The following ABI3BP variants were observed in gnomAD, a reference collection of about 807,000 sequenced individuals.
ABI3BP encodes the protein ABI family member 3 binding protein.
ABI3BP carries 216 observed loss-of-function variants against 268.6 expected under a neutral mutation model. That is an observed-to-expected ratio of 0.80 (90% CI 0.72 to 0.90). The LOEUF is 0.90. Ranked by LOEUF, ABI3BP falls within the 40% of genes least tolerant of loss-of-function variation. The pLI is 0.00. For synonymous variants in ABI3BP, 730 were observed against 730.0 expected, an observed-to-expected ratio of 1.00 and a Z score of 0.00; for missense variants, 2,090 against 2,182.4, an observed-to-expected ratio of 0.96 and a Z score of 0.84.
Position 100,941,051 on chromosome 3 carries a change from G to A in ABI3BP, c.80-14570C>T, listed in dbSNP as rs920522872. On this transcript the variant is annotated intron_variant, in intron 1 of 67. Coordinates refer to ENST00000471714, the MANE Select transcript of ABI3BP (RefSeq NM_001375547.2). ...ATAATTACATTTAAAATAATGTGCAGAATAAAAGCTATGGTAAAAGTCCCA... is the reference window on the plus strand; with the variant it reads ...ATAATTACATTTAAAATAATGTGCAAAATAAAAGCTATGGTAAAAGTCCCA... 2.7e-5 allele frequency among the ~76,000 whole-genome samples: 4 copies of A among 150,872 alleles called. No homozygotes were observed. The Admixed American group carries it at 2.7e-4, about 10-fold the overall frequency.
intron 21 of ABI3BP, among the ~76,000 whole-genome samples, chr3:100,841,474 G>T (rs1183244748): frequency 6.6e-6 from 1 of 152,024 alleles, no homozygotes; most frequent in East Asian, 1.9e-4. Flanking sequence ...GGAGAATAAA[G>T]AATCTATCAA....
chr3:100,890,732 T>A (rs2044209231), intron 4 of ABI3BP, among the ~76,000 whole-genome samples: 1 of 152,194 alleles, frequency 6.6e-6, no homozygotes, highest in South Asian at 2.1e-4. Flanking sequence ...AATTACTTAA[T>A]CCTCTGTGAA....
chr3:100,911,748 C>A, intron 2 of ABI3BP: 1 of 931,486 alleles, frequency 1.1e-6, no homozygotes, highest in South Asian at 1.3e-5. Context: ...ATGTTTCAGT[C>A]GATGAGTAGC....
chr3:100,878,794 C>CCCTGT (rs2099192094), intron 6 of ABI3BP, among the ~76,000 whole-genome samples: 1 of 152,242 alleles, frequency 6.6e-6, no homozygotes, highest in Admixed American at 6.5e-5. Flanking sequence ...CCTGTGCCTG[C>CCCTGT]TCCAGCAAAA....
intron 57 of ABI3BP, among the ~76,000 whole-genome samples, chr3:100,781,942 T>G (rs1477351828): frequency 6.6e-6 from 1 of 152,188 alleles, no homozygotes; most frequent in Non-Finnish European, 1.5e-5. Context: ...GCAGTGGGAT[T>G]CAGGCCTACA....
intron 4 of ABI3BP, among the ~76,000 whole-genome samples, chr3:100,890,120 C>T (rs1168484985): frequency 6.6e-6 from 1 of 152,066 alleles, no homozygotes; most frequent in Non-Finnish European, 1.5e-5. Context: ...AAGCTTAGTC[C>T]TTCTACGAAC....
intron 4 of ABI3BP, among the ~76,000 whole-genome samples, chr3:100,887,399 A>T (rs552543210): frequency 1.3e-5 from 2 of 152,076 alleles, no homozygotes; most frequent in Non-Finnish European, 2.9e-5. Flanking sequence ...TATGTTACCA[A>T]ATATTATTCC....
rs147861926 is a variant in ABI3BP at position 100,828,006 on chromosome 3, G to A, written c.2602+387C>T. On this transcript the variant is annotated intron_variant, in intron 34 of 67. Coordinates refer to ENST00000471714, the MANE Select transcript of ABI3BP (RefSeq NM_001375547.2). ...TAGATGTTTGGGAATGGCTGCAAGTGGGATAAAAAAACAAACAAAAATATA... is the reference window on the plus strand; with the variant it reads ...TAGATGTTTGGGAATGGCTGCAAGTAGGATAAAAAAACAAACAAAAATATA... Among the ~76,000 whole-genome samples the A allele has an allele frequency of 2.3e-3, 342 of 151,836 alleles. 4 individuals are homozygous for A. Among genetic ancestry groups the A allele is most frequent in the African/African-American group, 7.7e-3 (319 of 41,424 alleles).
intron 1 of ABI3BP, among the ~76,000 whole-genome samples, chr3:100,955,031 T>C (rs866428505): frequency 1.8e-4 from 26 of 146,796 alleles, no homozygotes; most frequent in Admixed American, 1.6e-3. Context: ...GGCAAGAGAT[T>C]GGGCAGGGAA....
chr3:100,953,440 C>A (rs2075799900), intron 1 of ABI3BP, among the ~76,000 whole-genome samples: 1 of 151,976 alleles, frequency 6.6e-6, no homozygotes, highest in African/African-American at 2.4e-5. Flanking sequence ...AGCGTGTATG[C>A]AAAAATGAGT....
chr3:100,820,249 G>A lies in ABI3BP; in HGVS notation c.3002C>T (p.Pro1001Leu). ...TTTGGTTTGAGGAACCTCAGGACTT[G>A]GTGTGGTTTTAGTTTTGGGACGTGG... ...RRPRPKTKTTPSPEVPQTKLV... is the reference protein window; with the variant it reads ...RRPRPKTKTTLSPEVPQTKLV... The change falls in exon 40 of 68, where the codon CCA becomes CTA. Residue 1001 changes from proline to leucine, a missense_variant. Pro to Leu is a moderately conservative substitution (Grantham distance 98). Coordinates refer to ENST00000471714, the MANE Select transcript of ABI3BP (RefSeq NM_001375547.2). 6.5e-7 allele frequency: 1 copy of A among 1,536,184 alleles called. No individual in the cohort carries two copies. The highest frequency in any genetic ancestry group is 8.7e-7 in the Non-Finnish European group (1 of 1,146,860).
At chr3:100,812,379 G>T in intron 46 of ABI3BP, 88 bp downstream of exon 46, 1 of 900,622 alleles carries the variant, frequency 1.1e-6, no homozygotes, top group Non-Finnish European at 1.5e-6. Context: ...GCTATGAAAT[G>T]TCACAAAGCA....
At chr3:100,788,993 A>T (rs1242400473) in intron 56 of ABI3BP, among the ~76,000 whole-genome samples, 2 of 152,098 alleles carry the variant, frequency 1.3e-5, no homozygotes, top group Admixed American at 6.6e-5. Flanking sequence ...GTATTTCCCA[A>T]TATATAACTA....
intron 1 of ABI3BP, among the ~76,000 whole-genome samples, chr3:100,945,841 G>A (rs9810175): frequency 0.022 from 3,355 of 152,064 alleles, 121 homozygotes; most frequent in African/African-American, 0.076. Context: ...TAAATATGTA[G>A]GTGTAAAATT....
chr3:100,835,241 G>C (rs2152852282), intron 28 of ABI3BP, among the ~76,000 whole-genome samples: 1 of 152,286 alleles, frequency 6.6e-6, no homozygotes, highest in Middle Eastern at 3.4e-3. Flanking sequence ...ACAACAGAAA[G>C]TAAGATGCCC....
chr3:100,812,138 T>A (rs2097877306), intron 46 of ABI3BP, among the ~76,000 whole-genome samples: 2 of 152,042 alleles, frequency 1.3e-5, no homozygotes, highest in Admixed American at 1.3e-4. Context: ...GAATGAGTAC[T>A]TGGAGAGCAA....
At chr3:100,857,732 AT>A (rs1400157551) in intron 14 of ABI3BP, among the ~76,000 whole-genome samples, 1 of 152,170 alleles carries the variant, frequency 6.6e-6, no homozygotes, top group African/African-American at 2.4e-5. Flanking sequence ...AATGAGCCTA[AT>A]TTTTCCCCCC....
At chr3:100,952,976 T>C (rs2075617961) in intron 1 of ABI3BP, among the ~76,000 whole-genome samples, 1 of 152,228 alleles carries the variant, frequency 6.6e-6, no homozygotes, top group Non-Finnish European at 1.5e-5. Flanking sequence ...ATCCACTCTT[T>C]GACTCTCTCT....
chr3:100,806,020 T>G (rs1426948417), intron 50 of ABI3BP, among the ~76,000 whole-genome samples: 1 of 152,070 alleles, frequency 6.6e-6, no homozygotes, highest in Non-Finnish European at 1.5e-5. Flanking sequence ...TTAATAATAT[T>G]GCTATTACCT....
Sources: allele counts gnomAD v4.1 joint callset (sites outside exome capture counted in the v4.1 genomes callset), GRCh38; gene constraint gnomAD v4.1.1; transcripts MANE v1.5; gene names NCBI Gene and HGNC (gene_info 2026-07-23, HGNC 2026-07-21).